Variants in CTIF observed in about 807,000 individuals in gnomAD.
The protein encoded by CTIF is cap binding complex dependent translation initiation factor, also known as CBP80/20-dependent translation initiation factor.
Under a neutral mutation model 66.0 loss-of-function variants are expected in CTIF, and 21 were observed. The ratio of observed to expected loss-of-function variants is 0.32; its 90% confidence interval spans 0.23 to 0.46. CTIF has a LOEUF of 0.46. Ranked by LOEUF, CTIF falls within the 20% of genes least tolerant of loss-of-function variation. CTIF has a pLI of 1.00. For synonymous variants in CTIF, 345 were observed against 326.4 expected (o/e 1.06, Z -0.62); for missense variants, 739 against 812.7 (o/e 0.91, Z 1.10).
intron 9 of CTIF, among the ~76,000 whole-genome samples, chr18:48,764,795 G>A (rs1193715123): frequency 2.0e-5 from 3 of 152,222 alleles, no homozygotes; most frequent in Non-Finnish European, 4.4e-5. Flanking sequence ...GCTTTCATGT[G>A]AGCCGAGGAG....
chr18:48,844,208 G>A (rs910039284), intron 10 of CTIF, among the ~76,000 whole-genome samples: 2 of 152,188 alleles, frequency 1.3e-5, no homozygotes, highest in Admixed American at 1.3e-4. Context: ...AGGGCCTAAA[G>A]GGGAAGCTGG....
chr18:48,646,688 G>A (rs918603269), intron 3 of CTIF, among the ~76,000 whole-genome samples: 2 of 151,474 alleles, frequency 1.3e-5, no homozygotes, highest in Middle Eastern at 3.4e-3. Flanking sequence ...TGGAGGTTGC[G>A]GTGAGCTGTG....
intron 2 of CTIF, among the ~76,000 whole-genome samples, chr18:48,624,185 A>C (rs1352547529): frequency 8.0e-6 from 1 of 124,306 alleles, no homozygotes; most frequent in Non-Finnish European, 1.7e-5. Context: ...TTTACATCGT[A>C]CCCCTCCCCC....
At chr18:48,563,829 G>GT (rs2089217910) in intron 1 of CTIF, among the ~76,000 whole-genome samples, 1 of 152,220 alleles carries the variant, frequency 6.6e-6, no homozygotes, top group Admixed American at 6.5e-5. Flanking sequence ...GCCTGACACA[G>GT]TAAGATTTGG....
At chr18:48,558,332 AAGTC>A (rs796609396) in intron 1 of CTIF, among the ~76,000 whole-genome samples, 20 of 152,372 alleles carry the variant, frequency 1.3e-4, no homozygotes, top group African/African-American at 4.8e-4. Context: ...GTTTAATAAA[AAGTC>A]AGTACAAGGT....
intron 7 of CTIF, among the ~76,000 whole-genome samples, chr18:48,729,998 G>A (rs1482229039): frequency 6.6e-6 from 1 of 152,210 alleles, no homozygotes; most frequent in Non-Finnish European, 1.5e-5. Context: ...ACCTCCAGGT[G>A]GAGTCTCAGG....
At chr18:48,554,987 C>CAG (rs1464787074) in intron 1 of CTIF, among the ~76,000 whole-genome samples, 88 of 152,312 alleles carry the variant, frequency 5.8e-4, no homozygotes, top group African/African-American at 2.1e-3. Context: ...ACCAAGTATT[C>CAG]AGAGTGCCAA....
intron 1 of CTIF, among the ~76,000 whole-genome samples, chr18:48,576,887 C>T (rs2089545374): frequency 6.6e-6 from 1 of 152,234 alleles, no homozygotes; most frequent in African/African-American, 2.4e-5. Flanking sequence ...AGAGAACATT[C>T]TAGAAGGGTG....
chr18:48,553,748 C>T (rs145047293), intron 1 of CTIF, among the ~76,000 whole-genome samples: 3,931 of 151,766 alleles, frequency 0.026, 160 homozygotes, highest in African/African-American at 0.091. Context: ...CTCCGCCTCC[C>T]GGGTTCATGC....
chr18:48,720,882 A>T (rs938782576), intron 7 of CTIF, among the ~76,000 whole-genome samples: 1 of 152,304 alleles, frequency 6.6e-6, no homozygotes, highest in African/African-American at 2.4e-5. Context: ...CCCATGAGGG[A>T]TATACCTTCC....
intron 10 of CTIF, 26 bp from the exon 11 acceptor site, chr18:48,857,562 G>A: frequency 6.2e-7 from 1 of 1,600,402 alleles, no homozygotes; most frequent in Non-Finnish European, 8.5e-7. Context: ...TCCTTCAGTG[G>A]TGCTCTCTGC....
In CTIF at chr18:48,636,703, C is replaced by T. The variant is rs531130731; in HGVS notation, c.252+18C>T. The T allele has an allele frequency of 1.6e-5, 26 of 1,576,558 alleles. No individual in the cohort carries two copies. Among genetic ancestry groups the T allele is most frequent in the African/African-American group, 6.8e-5 (5 of 73,734 alleles). On this transcript the variant is annotated intron_variant, in intron 3 of 11. Coordinates refer to ENST00000256413, the MANE Select transcript of CTIF (RefSeq NM_014772.3). ...CACAGCAGGTAGGGAACCAGCTCTG[C>T]GCTCTGTCTGGGGGTGTCCTATGTC...
At chr18:48,785,879 T>G (rs1911660781) in intron 9 of CTIF, among the ~76,000 whole-genome samples, 2 of 152,250 alleles carry the variant, frequency 1.3e-5, no homozygotes, top group South Asian at 4.2e-4. Context: ...GTTTAAAGCT[T>G]CCCGAGTGAG....
At chr18:48,650,774 T>A (rs2091141123) in intron 3 of CTIF, among the ~76,000 whole-genome samples, 1 of 152,100 alleles carries the variant, frequency 6.6e-6, no homozygotes, top group African/African-American at 2.4e-5. Context: ...ACAGCAGATC[T>A]CTTGGCAGAA....
At position 48,741,274 on chromosome 18, in the gene CTIF, G is replaced by GCCCCC. The variant is rs759009342; in HGVS notation, c.585-16644_585-16640dup. Among the ~76,000 whole-genome samples, 24 of 99,984 alleles carry GCCCCC rather than the reference G, an allele frequency of 2.4e-4. 1 individual carries two copies. The highest frequency in any genetic ancestry group is 3.8e-4 in the Non-Finnish European group (18 of 47,398). The allele number at this position is 99,984 out of a possible 152,430, so 65.6% of individuals were successfully genotyped here. On this transcript the variant is annotated intron_variant, in intron 7 of 11. Transcript: ENST00000256413. ...CCAGCCAGGGTCTGCTCTTTACTCTGCCCCCGCCCCCCCTCCTTGGTACAT... is the reference window on the plus strand; with the variant it reads ...CCAGCCAGGGTCTGCTCTTTACTCTGCCCCCCCCCCGCCCCCCCTCCTTGGTACAT...
intron 4 of CTIF, 48 bp from the exon 5 acceptor site, chr18:48,664,399 G>T: frequency 6.6e-7 from 1 of 1,507,600 alleles, no homozygotes; most frequent in South Asian, 1.1e-5. Flanking sequence ...GTCAGTAACT[G>T]GGCTGTTGCC....
chr18:48,805,730 T>C (rs1305173003), intron 9 of CTIF, among the ~76,000 whole-genome samples: 1 of 152,130 alleles, frequency 6.6e-6, no homozygotes, highest in African/African-American at 2.4e-5. Flanking sequence ...GAAGAAAATA[T>C]CAGGAGTGAA....
chr18:48,789,893 A>C (rs1361492318), intron 9 of CTIF, among the ~76,000 whole-genome samples: 1 of 152,248 alleles, frequency 6.6e-6, no homozygotes, highest in African/African-American at 2.4e-5. Flanking sequence ...TGAAGAGTAT[A>C]GATGCTAGAG....
chr18:48,725,589 T>G (rs2092379515), intron 7 of CTIF, among the ~76,000 whole-genome samples: 2 of 152,182 alleles, frequency 1.3e-5, no homozygotes, highest in Non-Finnish European at 2.9e-5. Context: ...ATGCGGCCCC[T>G]TTTGACCCCA....
Sources: gnomAD v4.1 joint callset for allele counts (sites outside exome capture counted in the v4.1 genomes callset) on GRCh38, gnomAD v4.1.1 for gene constraint, MANE v1.5 for transcripts, NCBI Gene and HGNC (gene_info 2026-07-23, HGNC 2026-07-21) for gene names.